WAC: variants seen among roughly 807,000 people sequenced by gnomAD.
The protein encoded by WAC is WW domain containing adaptor with coiled-coil, also known as WW domain-containing adapter protein with coiled-coil.
In WAC, 11 loss-of-function variants were observed where a neutral mutation model predicts 79.6. That is an observed-to-expected ratio of 0.14 (90% CI 0.09 to 0.23). The LOEUF (loss-of-function observed/expected upper bound fraction) is 0.23. Among genes scored for constraint, WAC ranks in the 10% least tolerant of loss-of-function variants. WAC has a pLI of 1.00. For missense variants in WAC, 728 were observed against 773.5 expected (o/e 0.94, Z 0.70); for synonymous variants, 304 against 276.9 (o/e 1.10, Z -0.97).
At chr10:28,599,866 T>C (rs1237985448) in intron 7 of WAC, among the ~76,000 whole-genome samples, 2 of 152,150 alleles carry the variant, frequency 1.3e-5, no homozygotes, top group African/African-American at 4.8e-5. Flanking sequence ...TTTGAACATC[T>C]ATGTATGATC....
intron 3 of WAC, among the ~76,000 whole-genome samples, chr10:28,543,727 T>A (rs1228994330): frequency 6.6e-6 from 1 of 152,224 alleles, no homozygotes; most frequent in Non-Finnish European, 1.5e-5. Flanking sequence ...GTAGAAAAAT[T>A]AGGAAATGCA....
chr10:28,552,731 G>A (rs1837749188), intron 3 of WAC, among the ~76,000 whole-genome samples: 1 of 151,752 alleles, frequency 6.6e-6, no homozygotes, highest in African/African-American at 2.4e-5. Context: ...TTGTTAACTC[G>A]ATAACAAGAA....
chr10:28,569,928 A>G (rs1267891973), intron 3 of WAC, among the ~76,000 whole-genome samples: 1 of 152,220 alleles, frequency 6.6e-6, no homozygotes, highest in Non-Finnish European at 1.5e-5. Flanking sequence ...CAGCACCAAA[A>G]GTGTCCAATA....
At chr10:28,583,650 A>ATAT (rs895814856) in intron 4 of WAC, 145 bp downstream of exon 4, 2 of 535,766 alleles carry the variant, frequency 3.7e-6, no homozygotes, top group East Asian at 3.4e-5. Flanking sequence ...TGTTTATTTG[A>ATAT]TATTATTATT....
At chr10:28,608,681 GTAGTTAC>G in intron 8 of WAC, 1 of 440,860 alleles carries the variant, frequency 2.3e-6, no homozygotes, top group Non-Finnish European at 4.0e-6. Context: ...TATGTGTCTG[GTAGTTAC>G]TGGAGGTAAG....
In WAC at chr10:28,619,640, G is replaced by C; in HGVS notation, c.*34G>C. On this transcript the variant is annotated 3_prime_UTR_variant, in exon 14 of 14. Coordinates refer to ENST00000354911, the MANE Select transcript of WAC (RefSeq NM_016628.5). ...ATAATTGCACATGGTTTTGAGAACA[G>C]GAACTGTAAATCTGTTGCCCAATCT... The C allele has an allele frequency of 6.5e-7, 1 of 1,537,980 alleles. No homozygotes were observed. Among genetic ancestry groups the C allele is most frequent in the Non-Finnish European group, 8.7e-7 (1 of 1,144,894 alleles).
chr10:28,566,971 C>G (rs1469586538), intron 3 of WAC, among the ~76,000 whole-genome samples: 2 of 146,110 alleles, frequency 1.4e-5, no homozygotes, highest in African/African-American at 5.0e-5. Flanking sequence ...TTTTTCAGGA[C>G]CTTCAGTTTT....
chr10:28,536,007 C>G (rs1313154442), intron 3 of WAC: 1 of 240,968 alleles, frequency 4.1e-6, no homozygotes, highest in African/African-American at 2.3e-5. Context: ...CTTGGGAGGC[C>G]GAGGCGGGCA....
intron 3 of WAC, among the ~76,000 whole-genome samples, chr10:28,566,836 T>G (rs1838645015): frequency 2.0e-5 from 3 of 152,128 alleles, no homozygotes; most frequent in African/African-American, 7.2e-5. Flanking sequence ...CATGTGTCAG[T>G]TTTTTTCAGT....
chr10:28,608,998 ATATT>A, intron 8 of WAC, among the ~76,000 whole-genome samples: 1 of 152,346 alleles, frequency 6.6e-6, no homozygotes, highest in South Asian at 2.1e-4. Flanking sequence ...ACGTTTCAGA[ATATT>A]TAGTCAGCCA....
At chr10:28,543,104 G>A (rs1837151748) in intron 3 of WAC, among the ~76,000 whole-genome samples, 1 of 152,202 alleles carries the variant, frequency 6.6e-6, no homozygotes, top group Non-Finnish European at 1.5e-5. Flanking sequence ...ACTTGAATGT[G>A]TATACTAAGC....
chr10:28,553,294 T>C (rs1429993464), intron 3 of WAC, among the ~76,000 whole-genome samples: 2 of 152,232 alleles, frequency 1.3e-5, no homozygotes, highest in African/African-American at 4.8e-5. Flanking sequence ...ATTTACTTTG[T>C]AGCCTTGTTA....
At chr10:28,565,104 T>C (rs1421855634) in intron 3 of WAC, among the ~76,000 whole-genome samples, 1 of 32,822 alleles carries the variant, frequency 3.0e-5, no homozygotes, top group Non-Finnish European at 4.8e-5. Flanking sequence ...TTTTGAAATG[T>C]GCTTTTTTTC....
intron 2 of WAC, 165 bp from the exon 3 acceptor site, chr10:28,535,397 T>C (rs1589114822): frequency 1.3e-6 from 1 of 790,210 alleles, no homozygotes; most frequent in African/African-American, 1.8e-5. Flanking sequence ...AAGCATTAGG[T>C]TTTTTGTCTG....
upstream of WAC, chr10:28,532,812 C>T (rs1308492299): frequency 2.0e-5 from 3 of 152,984 alleles, no homozygotes; most frequent in Admixed American, 6.5e-5. Flanking sequence ...CCCCACCGTC[C>T]TCTTCCGGAA....
intron 10 of WAC, among the ~76,000 whole-genome samples, chr10:28,613,843 A>G (rs1023090326): frequency 6.6e-6 from 1 of 152,194 alleles, no homozygotes; most frequent in Non-Finnish European, 1.5e-5. Context: ...AATATAATAC[A>G]TATCCTGATT....
In WAC at chr10:28,621,593, C is replaced by G. The variant is rs938800711; in HGVS notation, c.*1987C>G. ...GTTTATACCTCTGTGAGATTGTTAA[C>G]ATCTGCTGAATTTAACTAGTGCATG... is the stretch of plus-strand genomic sequence containing the variant. On this transcript the variant is annotated 3_prime_UTR_variant, in exon 14 of 14. Coordinates refer to ENST00000354911, the MANE Select transcript of WAC (RefSeq NM_016628.5). 1 of 152,178 alleles carries G rather than the reference C, an allele frequency of 6.6e-6. No individual in the cohort carries two copies. The highest frequency in any genetic ancestry group is 1.5e-5 in the Non-Finnish European group (1 of 68,038). 9.4% of individuals were successfully genotyped at this position (152,178 alleles called of 1,614,324 possible). A position where few individuals can be genotyped will look rare whatever the true frequency, so the allele number is the denominator to read the frequency against.
chr10:28,534,239 TGGAG>T (rs759488415), intron 2 of WAC: 39 of 458,092 alleles, frequency 8.5e-5, no homozygotes, highest in Non-Finnish European at 2.3e-5. Flanking sequence ...GACAGGTGAC[TGGAG>T]GGAGTTCGCT....
Position 28,617,776 on chromosome 10 carries a change from A to G in WAC, c.1866A>G (p.Arg622=), listed in dbSNP as rs34120502. The G allele has an allele frequency of 2.4e-3, 3,860 of 1,584,442 alleles. 74 individuals carry two copies. The African/African-American group carries it at 0.045, about 18-fold the overall frequency. The change falls in exon 13 of 14, where the codon CGA becomes CGG. Residue 622 remains arginine (R), a synonymous_variant. Coordinates refer to ENST00000354911, the MANE Select transcript of WAC (RefSeq NM_016628.5). Reference sequence around the variant, plus strand: ...TATGTGAAATTCAAGCAACTTTGCGAGAGCAAAGGTAAGTCTTTCACTGAA... The same window carrying G: ...TATGTGAAATTCAAGCAACTTTGCGGGAGCAAAGGTAAGTCTTTCACTGAA... ...VRVCEIQATL[R]EQRILFLRQQ... is the part of the protein sequence containing the mutation.
Sources: gnomAD v4.1 joint callset for allele counts (sites outside exome capture counted in the v4.1 genomes callset) on GRCh38, gnomAD v4.1.1 for gene constraint, MANE v1.5 for transcripts, NCBI Gene and HGNC (gene_info 2026-07-23, HGNC 2026-07-21) for gene names.